The following NCAM2 variants were observed in gnomAD, a reference collection of about 807,000 sequenced individuals.
The protein encoded by NCAM2 is neural cell adhesion molecule 2.
A neutral mutation model predicts 98.1 loss-of-function variants in NCAM2; 30 were observed. That is an observed-to-expected ratio of 0.31 (90% confidence interval 0.23 to 0.41). The LOEUF (loss-of-function observed/expected upper bound fraction) is 0.41, where lower values mean the gene tolerates loss of function less well. NCAM2 is among the 10% of genes least tolerant of loss of function. NCAM2 has a pLI of 1.00. For missense variants in NCAM2, 867 were observed against 1,005.8 expected, an observed-to-expected ratio of 0.86 and a Z score of 1.87; for synonymous variants, 368 against 342.4, an observed-to-expected ratio of 1.07 and a Z score of -0.83.
In NCAM2 at chr21:21,468,647, G is replaced by T. The variant is rs768764055; in HGVS notation, c.1775-15G>T. On this transcript the variant is annotated splice_polypyrimidine_tract_variant and intron_variant, in intron 13 of 17. Coordinates refer to ENST00000400546, the MANE Select transcript of NCAM2 (RefSeq NM_004540.5). ...AAATGTGTGCAAATGAAGAAATGTT[G>T]TATTGTATATCTAGGTGAACCAAGT... The T allele has an allele frequency of 6.2e-7, 1 of 1,602,252 alleles. No individual in the cohort carries two copies. The highest frequency in any genetic ancestry group is 2.2e-5 in the East Asian group (1 of 44,606).
intron 1 of NCAM2, among the ~76,000 whole-genome samples, chr21:21,082,225 T>TTAAAAAAA (rs1555882202): frequency 1.2e-5 from 1 of 82,918 alleles, no homozygotes; most frequent in African/African-American, 4.4e-5. Context: ...GAGAATCCTT[T>TTAAAAAAA]AAAAAAAAAA....
rs1287513285 is a variant in NCAM2 at position 21,086,423 on chromosome 21, T to G, written c.55+87805T>G. Among the ~76,000 whole-genome samples, 3 of 152,296 alleles carry G rather than the reference T, an allele frequency of 2.0e-5. No homozygotes were observed. The East Asian group carries it at 5.8e-4, about 29-fold the overall frequency. Reference sequence around the variant, plus strand: ...TACACATTTTACGTTTACATTTGTATTTACATGAAAGGGACTATATGATTG... The same window carrying G: ...TACACATTTTACGTTTACATTTGTAGTTACATGAAAGGGACTATATGATTG... On this transcript the variant is annotated intron_variant, in intron 1 of 17. Transcript: ENST00000400546.
chr21:21,408,091 G>T (rs1162611444), intron 9 of NCAM2, among the ~76,000 whole-genome samples: 2 of 152,140 alleles, frequency 1.3e-5, no homozygotes, highest in Non-Finnish European at 2.9e-5. Context: ...CCCCCAAATG[G>T]ACATCATTTG....
chr21:21,112,163 T>C, intron 1 of NCAM2, among the ~76,000 whole-genome samples: 1 of 152,234 alleles, frequency 6.6e-6, no homozygotes, highest in Non-Finnish European at 1.5e-5. Flanking sequence ...TTTGCTTTCT[T>C]TTCCTTTTTA....
intron 1 of NCAM2, among the ~76,000 whole-genome samples, chr21:21,106,717 A>G (rs528610850): frequency 6.6e-6 from 1 of 152,074 alleles, no homozygotes; most frequent in Admixed American, 6.6e-5. Flanking sequence ...TACACTGATC[A>G]TTAATAAAAA....
intron 1 of NCAM2, among the ~76,000 whole-genome samples, chr21:21,223,989 G>A (rs1260436822): frequency 2.6e-5 from 4 of 152,170 alleles, no homozygotes; most frequent in Admixed American, 2.6e-4. Context: ...ACAGTGCATG[G>A]CAAGGTGGGG....
At chr21:21,101,860 A>G (rs1218825817) in intron 1 of NCAM2, among the ~76,000 whole-genome samples, 2 of 152,096 alleles carry the variant, frequency 1.3e-5, no homozygotes, top group East Asian at 1.9e-4. Flanking sequence ...ATAAAAGACT[A>G]CTACTTGAAA....
At chr21:21,455,232 A>T (rs1423685299) in intron 12 of NCAM2, among the ~76,000 whole-genome samples, 1 of 147,472 alleles carries the variant, frequency 6.8e-6, no homozygotes, top group African/African-American at 2.5e-5. Flanking sequence ...AAAAAAAAAA[A>T]GTTTAATTTG....
At chr21:21,429,860 C>T (rs2077291984) in intron 11 of NCAM2, among the ~76,000 whole-genome samples, 1 of 152,060 alleles carries the variant, frequency 6.6e-6, no homozygotes, top group South Asian at 2.1e-4. Context: ...GAAATATACA[C>T]TGTGGCATTT....
At chr21:21,142,386 T>A (rs970300625) in intron 1 of NCAM2, among the ~76,000 whole-genome samples, 4 of 143,840 alleles carry the variant, frequency 2.8e-5, no homozygotes, top group African/African-American at 1.0e-4. Flanking sequence ...TGTTTTTTTT[T>A]TTTTTTTTTT....
chr21:21,031,107 T>G (rs1296217238), intron 1 of NCAM2, among the ~76,000 whole-genome samples: 1 of 152,194 alleles, frequency 6.6e-6, no homozygotes, highest in Non-Finnish European at 1.5e-5. Context: ...TGATTCCTTT[T>G]GATTTTTAAA....
At chr21:21,476,875 A>T (rs1453661114) in intron 14 of NCAM2, among the ~76,000 whole-genome samples, 2 of 152,074 alleles carry the variant, frequency 1.3e-5, no homozygotes, top group East Asian at 1.9e-4. Context: ...CCCCCAAAAA[A>T]CTTTAACAAT....
chr21:21,332,872 A>G (rs903009176), intron 6 of NCAM2, among the ~76,000 whole-genome samples: 10 of 152,204 alleles, frequency 6.6e-5, no homozygotes, highest in Admixed American at 5.9e-4. Flanking sequence ...ATTGTTTTAT[A>G]TGTATAGCCA....
chr21:21,204,830 C>T (rs2069373564), intron 1 of NCAM2, among the ~76,000 whole-genome samples: 1 of 152,054 alleles, frequency 6.6e-6, no homozygotes, highest in African/African-American at 2.4e-5. Flanking sequence ...GTGTGTTATG[C>T]ACAGCAAGGA....
rs192485821 is a variant in NCAM2, at chr21:21,198,551, A to C, written c.56-82027A>C. On this transcript the variant is annotated intron_variant, in intron 1 of 17. Coordinates refer to ENST00000400546, the MANE Select transcript of NCAM2 (RefSeq NM_004540.5). ...GTTCACTTAATAAAATGAAGCATTG[A>C]CTATCCAAGGCTAGCAATGTAGAAA... 1.2e-4 allele frequency among the ~76,000 whole-genome samples: 19 copies of C among 152,300 alleles called. No individual in the cohort carries two copies. In the East Asian group the frequency reaches 3.1e-3, roughly 25 times the overall value.
intron 1 of NCAM2, among the ~76,000 whole-genome samples, chr21:21,186,954 G>T (rs576256312): frequency 6.6e-6 from 1 of 152,254 alleles, no homozygotes; most frequent in South Asian, 2.1e-4. Flanking sequence ...CTGAGGCTGG[G>T]CGCAGTGGCT....
At chr21:21,126,547 C>T (rs2066829542) in intron 1 of NCAM2, among the ~76,000 whole-genome samples, 2 of 151,940 alleles carry the variant, frequency 1.3e-5, no homozygotes, top group East Asian at 3.9e-4. Flanking sequence ...CATTTCTCTA[C>T]CTATTTGTGT....
At chr21:21,134,648 ATTTTTTG>A (rs1466675847) in intron 1 of NCAM2, among the ~76,000 whole-genome samples, 3 of 150,212 alleles carry the variant, frequency 2.0e-5, no homozygotes, top group Non-Finnish European at 4.4e-5. Flanking sequence ...GATTTACCAT[ATTTTTTG>A]TTTTTTAATT....
intron 1 of NCAM2, among the ~76,000 whole-genome samples, chr21:21,140,180 T>C (rs2067137674): frequency 6.6e-6 from 1 of 152,220 alleles, no homozygotes; most frequent in Non-Finnish European, 1.5e-5. Flanking sequence ...TGTTATTGCT[T>C]TGTATTAATT....
Sources: allele counts gnomAD v4.1 joint callset (sites outside exome capture counted in the v4.1 genomes callset), GRCh38; gene constraint gnomAD v4.1.1; transcripts MANE v1.5; gene names NCBI Gene and HGNC (gene_info 2026-07-23, HGNC 2026-07-21).